The following HS6ST1 variants were observed in gnomAD, a reference collection of about 807,000 sequenced individuals.
The protein encoded by HS6ST1 is heparan sulfate 6-O-sulfotransferase 1, also known as heparan-sulfate 6-O-sulfotransferase 1.
HS6ST1 carries 3 observed loss-of-function variants against 25.2 expected under a neutral mutation model. The ratio of observed to expected loss-of-function variants is 0.12; its 90% CI spans 0.05 to 0.31. The LOEUF is 0.31. HS6ST1 is among the 10% of genes least tolerant of loss of function. The pLI is 1.00. For synonymous variants in HS6ST1, 204 were observed against 275.1 expected, an observed-to-expected ratio of 0.74 and a Z score of 2.56; for missense variants, 310 against 609.6, an observed-to-expected ratio of 0.51 and a Z score of 5.18.
chr2:128,307,309 G>A (rs1694228302), intron 1 of HS6ST1, among the ~76,000 whole-genome samples: 1 of 152,122 alleles, frequency 6.6e-6, no homozygotes, highest in Non-Finnish European at 1.5e-5. Context: ...CTGTCCACCT[G>A]CTCACACTAA....
intron 1 of HS6ST1, among the ~76,000 whole-genome samples, chr2:128,286,165 G>A (rs1320886186): frequency 2.0e-5 from 3 of 152,222 alleles, no homozygotes; most frequent in East Asian, 3.8e-4. Flanking sequence ...GGACTGGCGT[G>A]GGGGACCCCA....
chr2:128,276,459 C>T (rs9636233), intron 1 of HS6ST1, among the ~76,000 whole-genome samples: 1 of 152,068 alleles, frequency 6.6e-6, no homozygotes. Flanking sequence ...AAGTGATGAG[C>T]TGAAACAGGA....
intron 1 of HS6ST1, among the ~76,000 whole-genome samples, chr2:128,293,968 A>C (rs1693997015): frequency 6.6e-6 from 1 of 152,176 alleles, no homozygotes; most frequent in Non-Finnish European, 1.5e-5. Context: ...TTGGGGGTCC[A>C]TGCTGAGACC....
chr2:128,285,590 G>T (rs1350702901), intron 1 of HS6ST1, among the ~76,000 whole-genome samples: 3 of 73,144 alleles, frequency 4.1e-5, no homozygotes, highest in African/African-American at 1.8e-4. Flanking sequence ...AGCCTTGGGG[G>T]ATGGGCAGGG....
intron 1 of HS6ST1, among the ~76,000 whole-genome samples, chr2:128,310,057 A>G (rs537588182): frequency 6.6e-6 from 1 of 152,306 alleles, no homozygotes; most frequent in South Asian, 2.1e-4. Context: ...ATCTGGGCCC[A>G]TGAGACCCAC....
At chr2:128,301,133 G>A (rs75103056) in intron 1 of HS6ST1, among the ~76,000 whole-genome samples, 1,983 of 152,172 alleles carry the variant, frequency 0.013, 36 homozygotes, top group African/African-American at 0.045. Context: ...TGGGGGCTGC[G>A]TAGCTCTAGC....
intron 1 of HS6ST1, among the ~76,000 whole-genome samples, chr2:128,299,032 G>A (rs1694081800): frequency 6.6e-6 from 1 of 152,222 alleles, no homozygotes; most frequent in Admixed American, 6.5e-5. Flanking sequence ...GGAATGAGAG[G>A]ACCAGAGGCC....
chr2:128,301,534 CA>C (rs1447829509), intron 1 of HS6ST1, among the ~76,000 whole-genome samples: 2 of 152,192 alleles, frequency 1.3e-5, no homozygotes, highest in Non-Finnish European at 2.9e-5. Context: ...GAAGGAATTT[CA>C]AATACGAAGA....
chr2:128,273,407 C>T (rs1693641881), intron 1 of HS6ST1, among the ~76,000 whole-genome samples: 1 of 152,234 alleles, frequency 6.6e-6, no homozygotes, highest in African/African-American at 2.4e-5. Flanking sequence ...TGTTCCTGCC[C>T]CTTTCTGCAG....
At chr2:128,270,948 A>G (rs554694104) in intron 1 of HS6ST1, among the ~76,000 whole-genome samples, 1 of 152,332 alleles carries the variant, frequency 6.6e-6, no homozygotes, top group African/African-American at 2.4e-5. Context: ...CAAATGGCTC[A>G]GTTCCTCTCC....
intron 1 of HS6ST1, among the ~76,000 whole-genome samples, chr2:128,269,289 G>A (rs1282967538): frequency 1.3e-5 from 2 of 152,212 alleles, no homozygotes; most frequent in African/African-American, 2.4e-5. Flanking sequence ...AGGGGCCAGC[G>A]AGGGTCACCT....
At position 128,318,099 on chromosome 2, in the gene HS6ST1, C is replaced by T; in HGVS notation, c.465G>A (p.Glu155=). 1.3e-6 allele frequency: 2 copies of T among 1,527,828 alleles called. No homozygotes were observed. The highest frequency in any genetic ancestry group is 1.8e-6 in the Non-Finnish European group (2 of 1,139,768). 94.6% of individuals were successfully genotyped at this position (1,527,828 alleles called of 1,614,324 possible). Residue 155 remains glutamate (E), a synonymous_variant, in exon 1 of 2, where the codon GAG becomes GAA. Coordinates refer to ENST00000259241, the MANE Select transcript of HS6ST1 (RefSeq NM_004807.3). The surrounding 1 kb of genome is among the most constrained non-coding windows in gnomAD (Gnocchi z 5.7). ...WSCGLHADWT[E]LTNCVPGVLD... is the part of the protein sequence containing the mutation. ...GCACGCCGGGCACGCAGTTGGTGAG[C>T]TCGGTCCAGTCGGCGTGCAGCCCGC...
chr2:128,296,282 T>C (rs1694038941), intron 1 of HS6ST1, among the ~76,000 whole-genome samples: 1 of 152,230 alleles, frequency 6.6e-6, no homozygotes, highest in African/African-American at 2.4e-5. Flanking sequence ...CACCAAAAGC[T>C]TTCCTCTACT....
At chr2:128,269,602 G>T (rs963842166) in intron 1 of HS6ST1, among the ~76,000 whole-genome samples, 2 of 152,244 alleles carry the variant, frequency 1.3e-5, no homozygotes, top group African/African-American at 4.8e-5. Context: ...GGACAGGTGG[G>T]TAAAACGTGG....
chr2:128,297,748 C>T (rs375627015), intron 1 of HS6ST1, among the ~76,000 whole-genome samples: 19 of 152,268 alleles, frequency 1.2e-4, no homozygotes, highest in African/African-American at 3.6e-4. Flanking sequence ...GCACGAGAAT[C>T]GCTTGAACCT....
intron 1 of HS6ST1, among the ~76,000 whole-genome samples, chr2:128,288,229 T>C (rs1693895205): frequency 6.6e-6 from 1 of 152,140 alleles, no homozygotes; most frequent in Non-Finnish European, 1.5e-5. Flanking sequence ...TTACAGCCTG[T>C]AACTACACAT....
intron 1 of HS6ST1, among the ~76,000 whole-genome samples, chr2:128,301,985 T>A (rs548987053): frequency 5.3e-5 from 8 of 152,280 alleles, no homozygotes; most frequent in Non-Finnish European, 1.2e-4. Context: ...GGGCTCTCCA[T>A]GGTGCCGCCA....
At chr2:128,284,473 C>T (rs1693831814) in intron 1 of HS6ST1, among the ~76,000 whole-genome samples, 1 of 150,010 alleles carries the variant, frequency 6.7e-6, no homozygotes. Flanking sequence ...CACAGCAACG[C>T]CTACCATACT....
intron 1 of HS6ST1, among the ~76,000 whole-genome samples, chr2:128,291,523 G>A (rs549296479): frequency 1.3e-5 from 2 of 152,340 alleles, no homozygotes; most frequent in Admixed American, 6.5e-5. Context: ...CAGAAGGTGC[G>A]TCAGCGGGAG....
Sources: gnomAD v4.1 joint callset for allele counts (sites outside exome capture counted in the v4.1 genomes callset) on GRCh38, gnomAD v4.1.1 for gene constraint, Gnocchi (gnomAD v3.1) non-coding constraint, MANE v1.5 for transcripts, NCBI Gene and HGNC (gene_info 2026-07-23, HGNC 2026-07-21) for gene names.